Variants in UPP2 observed in about 807,000 individuals in gnomAD.
UPP2 encodes uridine phosphorylase 2.
UPP2 carries 23 observed loss-of-function variants against 26.7 expected under a neutral mutation model. That is an observed-to-expected ratio of 0.86 (90% CI 0.62 to 1.22). The LOEUF is 1.22. Among genes scored for constraint, UPP2 ranks in the 50% most tolerant of loss-of-function variants. The pLI is 0.00. For synonymous variants in UPP2, 127 were observed against 141.3 expected (o/e 0.90, Z 0.72); for missense variants, 387 against 396.7 (o/e 0.98, Z 0.21).
chr2:158,121,382 C>A, intron 4 of UPP2, 27 bp from the exon 5 acceptor site: 1 of 1,583,022 alleles, frequency 6.3e-7, no homozygotes, highest in Non-Finnish European at 8.7e-7. Flanking sequence ...CGATATTCTT[C>A]TGTAATCATT....
chr2:158,025,793 C>T (rs545356283), intron 3 of UPP2, among the ~76,000 whole-genome samples: 73 of 152,310 alleles, frequency 4.8e-4, no homozygotes, highest in Non-Finnish European at 8.1e-4. Flanking sequence ...GAGCCTCACA[C>T]GGAAGACATC....
chr2:158,091,734 G>T (rs755246493), intron 3 of UPP2, among the ~76,000 whole-genome samples: 1 of 152,304 alleles, frequency 6.6e-6, no homozygotes, highest in South Asian at 2.1e-4. Flanking sequence ...GTGACGAGGT[G>T]CCTGGGCTCC....
intron 3 of UPP2, among the ~76,000 whole-genome samples, chr2:158,092,309 T>A (rs963413629): frequency 6.6e-5 from 10 of 152,146 alleles, no homozygotes; most frequent in African/African-American, 1.9e-4. Flanking sequence ...CACATTTTAA[T>A]AAAGCTTCAG....
At chr2:158,098,708 C>T (rs991032244), upstream of UPP2, among the ~76,000 whole-genome samples, 8 of 152,096 alleles carry the variant, frequency 5.3e-5, no homozygotes, top group Non-Finnish European at 7.3e-5. Context: ...ATTGGATGAA[C>T]GCGTATCTAA....
At chr2:158,116,304 T>C (rs1683429888) in intron 3 of UPP2, among the ~76,000 whole-genome samples, 2 of 152,340 alleles carry the variant, frequency 1.3e-5, no homozygotes, top group Middle Eastern at 3.4e-3. Context: ...AATTTTTTCT[T>C]ACCAACATTT....
intron 1 of UPP2, among the ~76,000 whole-genome samples, chr2:158,105,372 G>A (rs527869553): frequency 7.0e-4 from 106 of 152,234 alleles, no homozygotes; most frequent in Non-Finnish European, 1.3e-3. Context: ...CATGGCCAGT[G>A]GGGTAGAAAG....
At chr2:158,085,471 T>C (rs1399268838) in intron 3 of UPP2, among the ~76,000 whole-genome samples, 1 of 152,182 alleles carries the variant, frequency 6.6e-6, no homozygotes, top group African/African-American at 2.4e-5. Flanking sequence ...ACTTCCTGTT[T>C]ACTGATTTGG....
At chr2:158,090,952 CTG>C (rs761090225) in intron 3 of UPP2, among the ~76,000 whole-genome samples, 1 of 152,138 alleles carries the variant, frequency 6.6e-6, no homozygotes, top group Non-Finnish European at 1.5e-5. Context: ...CTGGGAAACT[CTG>C]TACCTTCAGT....
intron 5 of UPP2, among the ~76,000 whole-genome samples, 193 bp downstream of exon 5, chr2:158,121,811 T>C (rs1374157154): frequency 6.6e-6 from 1 of 152,026 alleles, no homozygotes; most frequent in Non-Finnish European, 1.5e-5. Context: ...AATGAATTTA[T>C]ATTGAGGGTG....
At chr2:158,091,354 A>G (rs1682909111) in intron 3 of UPP2, among the ~76,000 whole-genome samples, 1 of 152,142 alleles carries the variant, frequency 6.6e-6, no homozygotes, top group African/African-American at 2.4e-5. Context: ...AACTTCAGAT[A>G]GATCAACAAC....
Position 158,069,624 on chromosome 2 carries a change from T to TG in UPP2, c.148-32415dup, listed in dbSNP as rs548481289. Among the ~76,000 whole-genome samples, 552 of 152,308 alleles carry TG rather than the reference T, an allele frequency of 3.6e-3. 6 individuals are homozygous for TG. Among genetic ancestry groups the TG allele is most frequent in the African/African-American group, 0.012 (519 of 41,560 alleles). On this transcript the variant is annotated intron_variant, in intron 3 of 9. Coordinates refer to the UPP2 transcript ENST00000605860. ...TTCTTTTGTAGCAGAATCTCTCTGG[T>TG]GAGGCATGTCCCTATGAACAGCTCT...
At chr2:158,123,683 C>A in intron 5 of UPP2, 66 bp from the exon 6 acceptor site, 1 of 1,567,750 alleles carries the variant, frequency 6.4e-7, no homozygotes. Flanking sequence ...AACAGCAAGC[C>A]TCCTATGAGG....
intron 3 of UPP2, among the ~76,000 whole-genome samples, chr2:158,094,686 T>C (rs1235636147): frequency 6.6e-6 from 1 of 152,192 alleles, no homozygotes; most frequent in African/African-American, 2.4e-5. Flanking sequence ...CTTTGAAATT[T>C]CATGACTTTG....
chr2:158,113,165 T>C (rs1205389468), intron 2 of UPP2, among the ~76,000 whole-genome samples: 1 of 152,214 alleles, frequency 6.6e-6, no homozygotes, highest in Admixed American at 6.5e-5. Context: ...CAGAAATTCC[T>C]GTCGATTATA....
chr2:158,014,317 C>A (rs1226747935), intron 2 of UPP2, among the ~76,000 whole-genome samples: 1 of 152,142 alleles, frequency 6.6e-6, no homozygotes, highest in Non-Finnish European at 1.5e-5. Context: ...GGCTGATTGC[C>A]TCTCCTAGAA....
intron 2 of UPP2, among the ~76,000 whole-genome samples, chr2:157,999,670 T>C (rs1288039590): frequency 6.6e-6 from 1 of 152,254 alleles, no homozygotes; most frequent in African/African-American, 2.4e-5. Context: ...AAAATTTTAA[T>C]AAAGCTGACA....
At chr2:158,034,953 C>G (rs1207723794) in intron 3 of UPP2, among the ~76,000 whole-genome samples, 1 of 152,170 alleles carries the variant, frequency 6.6e-6, no homozygotes, top group African/African-American at 2.4e-5. Context: ...CTGTAGCTTG[C>G]ATTAGAGCCC....
chr2:157,997,742 T>C (rs1683343642), intron 2 of UPP2, among the ~76,000 whole-genome samples: 1 of 152,182 alleles, frequency 6.6e-6, no homozygotes, highest in Non-Finnish European at 1.5e-5. Flanking sequence ...TCTGAGAGAT[T>C]GGGTGTGTGA....
intron 3 of UPP2, among the ~76,000 whole-genome samples, chr2:158,035,158 CT>C (rs397868383): frequency 0.024 from 3,416 of 143,156 alleles, 148 homozygotes; most frequent in Admixed American, 0.13. Flanking sequence ...GGATCAGAAT[CT>C]TTTTTTTTTT....
Sources: allele counts gnomAD v4.1 joint callset (sites outside exome capture counted in the v4.1 genomes callset), GRCh38; gene constraint gnomAD v4.1.1; transcripts MANE v1.5; gene names NCBI Gene and HGNC (gene_info 2026-07-23, HGNC 2026-07-21).